The following EPB41L4B variants were observed in gnomAD, a reference collection of about 807,000 sequenced individuals.
EPB41L4B encodes band 4.1-like protein 4B.
A neutral mutation model predicts 112.5 loss-of-function variants in EPB41L4B; 30 were observed. The observed-to-expected ratio is 0.27, with a 90% CI of 0.20 to 0.36. The LOEUF (loss-of-function observed/expected upper bound fraction) is 0.36. Ranked by LOEUF, EPB41L4B falls within the 10% of genes least tolerant of loss-of-function variation. EPB41L4B has a pLI of 1.00. For synonymous variants in EPB41L4B, 408 were observed against 439.7 expected (o/e 0.93, Z 0.90); for missense variants, 1,024 against 1,133.3 (o/e 0.90, Z 1.38).
chr9:109,223,790 A>G (rs10979761), intron 15 of EPB41L4B, among the ~76,000 whole-genome samples: 106,909 of 152,062 alleles, frequency 0.7, 37,905 homozygotes, highest in African/African-American at 0.8. Flanking sequence ...AGGCCGAGGC[A>G]GGTGGATCAC....
At chr9:109,217,422 CTAAA>C (rs1833416405) in intron 15 of EPB41L4B, among the ~76,000 whole-genome samples, 1 of 151,934 alleles carries the variant, frequency 6.6e-6, no homozygotes, top group Non-Finnish European at 1.5e-5. Context: ...AAGGCATTCT[CTAAA>C]TGAGAGGAAG....
rs568396768 is a variant in EPB41L4B at position 109,251,722 on chromosome 9, G to A, written c.1280-211C>T. Among the ~76,000 whole-genome samples the A allele has an allele frequency of 5.9e-5, 9 of 152,268 alleles. 1 individual carries two copies. In the South Asian group the frequency reaches 1.9e-3, roughly 32 times the overall value. On this transcript the variant is annotated intron_variant, in intron 12 of 25. Transcript: ENST00000374566. ...CACTCAGCAACCATCCACTCAGCAG[G>A]TTCCCAGGGCTGGGCGCTCTGGGAG... is the stretch of plus-strand genomic sequence containing the variant.
chr9:109,298,600 C>T (rs1008534658), intron 1 of EPB41L4B, among the ~76,000 whole-genome samples: 1 of 152,194 alleles, frequency 6.6e-6, no homozygotes, highest in Non-Finnish European at 1.5e-5. Flanking sequence ...GCGTGAGCCA[C>T]GGCGCCTGGC....
intron 18 of EPB41L4B, among the ~76,000 whole-genome samples, chr9:109,204,586 G>A (rs1309912864): frequency 1.3e-5 from 2 of 152,086 alleles, no homozygotes; most frequent in African/African-American, 4.8e-5. Context: ...TGACTTCCTG[G>A]GCTCAATCAA....
chr9:109,308,992 C>G (rs375865644), intron 1 of EPB41L4B, among the ~76,000 whole-genome samples: 1 of 152,134 alleles, frequency 6.6e-6, no homozygotes, highest in Non-Finnish European at 1.5e-5. Flanking sequence ...AGGAGAATCA[C>G]TTGAATCCTG....
intron 1 of EPB41L4B, among the ~76,000 whole-genome samples, chr9:109,317,951 C>G (rs1837694354): frequency 1.3e-5 from 2 of 152,222 alleles, no homozygotes; most frequent in Admixed American, 6.5e-5. Context: ...AACCTCGTAA[C>G]TCAGAATTAA....
intron 4 of EPB41L4B, among the ~76,000 whole-genome samples, chr9:109,265,233 T>C (rs1012108841): frequency 5.3e-5 from 8 of 152,130 alleles, no homozygotes; most frequent in Admixed American, 3.9e-4. Flanking sequence ...GGTGAGTGCA[T>C]GTGGGGAACT....
chr9:109,214,902 T>C (rs1833307230), intron 16 of EPB41L4B, among the ~76,000 whole-genome samples: 1 of 152,198 alleles, frequency 6.6e-6, no homozygotes, highest in African/African-American at 2.4e-5. Context: ...TATTTGGAGA[T>C]TGTCCTGGAG....
At chr9:109,256,070 C>T (rs912565643) in intron 9 of EPB41L4B, 66 bp downstream of exon 9, 85 of 1,402,124 alleles carry the variant, frequency 6.1e-5, no homozygotes, top group Middle Eastern at 1.8e-4. Context: ...CAATAATCAT[C>T]CATCACATAG....
chr9:109,268,896 CAAA>C (rs55646924), intron 2 of EPB41L4B, among the ~76,000 whole-genome samples: 5 of 106,750 alleles, frequency 4.7e-5, no homozygotes, highest in Admixed American at 2.2e-4. Context: ...AACTCCGTCT[CAAA>C]AAAAAAAAAA....
intron 24 of EPB41L4B, 136 bp from the exon 25 acceptor site, chr9:109,176,832 AT>A: frequency 2.0e-6 from 2 of 1,008,220 alleles, no homozygotes; most frequent in Non-Finnish European, 2.9e-6. Flanking sequence ...ATTTTAAGTG[AT>A]TTTACTTTGT....
At chr9:109,238,246 C>T (rs949103832) in intron 15 of EPB41L4B, among the ~76,000 whole-genome samples, 29 of 152,156 alleles carry the variant, frequency 1.9e-4, no homozygotes, top group African/African-American at 7.0e-4. Flanking sequence ...TCCAATGTCA[C>T]GTGGCTGGAC....
chr9:109,190,575 G>A (rs935053920), intron 22 of EPB41L4B, among the ~76,000 whole-genome samples: 1 of 152,200 alleles, frequency 6.6e-6, no homozygotes, highest in Non-Finnish European at 1.5e-5. Flanking sequence ...TCCCAGGGCT[G>A]TCCCACAGCC....
Position 109,225,273 on chromosome 9 carries a change from C to T in EPB41L4B, c.1410-8128G>A, listed in dbSNP as rs368609181. ...TGAAGGCCAGCTCTTGTGCCTGGTA[C>T]TGTGCCATGCACAAGGATAAAGACA... On this transcript the variant is annotated intron_variant, in intron 15 of 25. Coordinates refer to ENST00000374566, the MANE Select transcript of EPB41L4B (RefSeq NM_019114.5). Among the ~76,000 whole-genome samples, 103 of 152,356 alleles carry T rather than the reference C, an allele frequency of 6.8e-4. 2 individuals are homozygous for T. Among genetic ancestry groups the T allele is most frequent in the African/African-American group, 2.3e-3 (96 of 41,590 alleles).
chr9:109,180,591 T>C (rs1832019729), intron 24 of EPB41L4B, among the ~76,000 whole-genome samples: 1 of 152,204 alleles, frequency 6.6e-6, no homozygotes, highest in South Asian at 2.1e-4. Context: ...CCTGCCCTGC[T>C]GGACACCTTC....
At chr9:109,198,480 C>G (rs996934169) in intron 20 of EPB41L4B, among the ~76,000 whole-genome samples, 11 of 152,182 alleles carry the variant, frequency 7.2e-5, no homozygotes, top group African/African-American at 2.7e-4. Context: ...TGTAAACTAG[C>G]CAGGGGCCTG....
At chr9:109,304,671 C>T (rs1837100768) in intron 1 of EPB41L4B, among the ~76,000 whole-genome samples, 1 of 152,136 alleles carries the variant, frequency 6.6e-6, no homozygotes, top group Non-Finnish European at 1.5e-5. Context: ...CCAATAGGAA[C>T]TGCCTACTCC....
intron 6 of EPB41L4B, among the ~76,000 whole-genome samples, chr9:109,262,844 G>A (rs775886515): frequency 1.3e-5 from 2 of 152,074 alleles, no homozygotes; most frequent in Non-Finnish European, 2.9e-5. Context: ...CCTCCTGCAC[G>A]TCTCTGTTCC....
At chr9:109,277,914 A>T (rs1835897261) in intron 2 of EPB41L4B, among the ~76,000 whole-genome samples, 1 of 152,188 alleles carries the variant, frequency 6.6e-6, no homozygotes, top group South Asian at 2.1e-4. Context: ...GCAGGTGGTG[A>T]CAGGACACAC....
Sources: allele counts gnomAD v4.1 joint callset (sites outside exome capture counted in the v4.1 genomes callset), GRCh38; gene constraint gnomAD v4.1.1; transcripts MANE v1.5; gene names NCBI Gene and HGNC (gene_info 2026-07-23, HGNC 2026-07-21).